RAB28: variants seen among roughly 807,000 people sequenced by gnomAD.
RAB28 encodes the protein ras-related protein Rab-28.
Under a neutral mutation model 31.7 loss-of-function variants are expected in RAB28, and 24 were observed. The observed-to-expected ratio is 0.76, with a 90% confidence interval of 0.55 to 1.06. RAB28 has a LOEUF of 1.06. Ranked by LOEUF, RAB28 falls within the 50% of genes least tolerant of loss-of-function variation. The pLI, the probability that RAB28 is intolerant of heterozygous loss-of-function variation, is 0.00. For missense variants in RAB28, 254 were observed against 258.5 expected, an observed-to-expected ratio of 0.98 and a Z score of 0.12; for synonymous variants, 100 against 90.4, an observed-to-expected ratio of 1.11 and a Z score of -0.60.
chr4:13,452,241 ATT>A (rs1296693827), intron 4 of RAB28, among the ~76,000 whole-genome samples: 1 of 151,276 alleles, frequency 6.6e-6, no homozygotes, highest in African/African-American at 2.4e-5. Context: ...TTTTGTTGAA[ATT>A]TTTGTTTGTT....
Position 13,482,132 on chromosome 4 carries a change from T to C in RAB28, c.75+1944A>G, listed in dbSNP as rs75235665. On this transcript the variant is annotated intron_variant, in intron 1 of 6. Transcript: ENST00000330852. ...AGAGCACCATAAAAAATATTAACTG[T>C]TATCCTTTGAAGCAGAATGATAATA... 1.2e-4 allele frequency among the ~76,000 whole-genome samples: 19 copies of C among 152,264 alleles called. No homozygotes were observed. The East Asian group carries it at 3.7e-3, about 29-fold the overall frequency.
Position 13,474,373 on chromosome 4 carries a change from A to G in RAB28, c.206T>C (p.Ile69Thr), listed in dbSNP as rs1401637475. The change falls in exon 3 of 7, where the codon ATA becomes ACA. Residue 69 changes from isoleucine (I) to threonine (T), a missense_variant. Ile to Thr is a moderately conservative substitution (Grantham distance 89). Transcript: ENST00000330852. ...TTTGCCTCCTATTGTCTGCCCTCCT[A>G]TATCCCAAATTTGAAGGGTAACATT... ...NLNVTLQIWD[I>T]GGQTIGGKML... 1.1e-5 allele frequency: 18 copies of G among 1,596,134 alleles called. No homozygotes were observed. The highest frequency in any genetic ancestry group is 3.4e-5 in the Admixed American group (2 of 59,044).
chr4:13,394,298 G>A (rs1346584251), intron 4 of RAB28, among the ~76,000 whole-genome samples: 1 of 152,136 alleles, frequency 6.6e-6, no homozygotes, highest in Admixed American at 6.5e-5. Flanking sequence ...TAATTTTGGG[G>A]TAAAACTGCT....
In RAB28 at chr4:13,415,611, G is replaced by A. The variant is rs944697802; in HGVS notation, c.392-34017C>T. ...CTGGCACTGCGCTCGATTTCTTGCC[G>A]GGCCTTAGCTGCCTGCAGCCCGCCA... On this transcript the variant is annotated intron_variant, in intron 4 of 6. Transcript: ENST00000330852. Among the ~76,000 whole-genome samples, 8 of 152,130 alleles carry A rather than the reference G, an allele frequency of 5.3e-5. No homozygotes were observed. In the South Asian group the frequency reaches 8.3e-4, roughly 16 times the overall value.
chr4:13,448,443 C>A (rs1714806659), intron 4 of RAB28, among the ~76,000 whole-genome samples: 2 of 151,886 alleles, frequency 1.3e-5, no homozygotes, highest in Admixed American at 1.3e-4. Flanking sequence ...ACAACTCCTC[C>A]AAAACCAATG....
intron 1 of RAB28, 31 bp from the exon 2 acceptor site, chr4:13,479,557 T>G: frequency 1.5e-6 from 2 of 1,350,518 alleles, no homozygotes; most frequent in Middle Eastern, 1.8e-4. Context: ...ATGTCAAAAT[T>G]AATTCATTAA....
intron 4 of RAB28, among the ~76,000 whole-genome samples, chr4:13,453,433 G>A (rs1028417641): frequency 6.6e-6 from 1 of 151,848 alleles, no homozygotes; most frequent in African/African-American, 2.4e-5. Context: ...TTGTGTATTG[G>A]CTCTAGCAGC....
At chr4:13,482,469 A>C (rs1481498928) in intron 1 of RAB28, among the ~76,000 whole-genome samples, 4 of 152,306 alleles carry the variant, frequency 2.6e-5, no homozygotes, top group Non-Finnish European at 5.9e-5. Context: ...ATGGGAAATA[A>C]GATCAGTTAT....
At chr4:13,449,867 C>A (rs552461582) in intron 4 of RAB28, among the ~76,000 whole-genome samples, 1 of 151,890 alleles carries the variant, frequency 6.6e-6, no homozygotes, top group African/African-American at 2.4e-5. Context: ...TTCTATGTAA[C>A]CCCTGTTAAT....
intron 3 of RAB28, among the ~76,000 whole-genome samples, chr4:13,462,342 T>C (rs149087165): frequency 2.6e-4 from 40 of 152,332 alleles, no homozygotes; most frequent in African/African-American, 9.1e-4. Context: ...TTCCACCATA[T>C]AGATACAGCA....
chr4:13,476,351 C>A (rs983234871), intron 2 of RAB28, among the ~76,000 whole-genome samples: 5 of 151,426 alleles, frequency 3.3e-5, no homozygotes, highest in African/African-American at 1.2e-4. Context: ...TCTAAATAAA[C>A]CCTGTTATCA....
chr4:13,372,482 G>C (rs902932516), intron 6 of RAB28, among the ~76,000 whole-genome samples: 3 of 151,990 alleles, frequency 2.0e-5, no homozygotes, highest in African/African-American at 7.2e-5. Flanking sequence ...GATCTCTAAA[G>C]TCCCATCTGG....
At chr4:13,458,426 T>C (rs1715417694) in intron 4 of RAB28, among the ~76,000 whole-genome samples, 1 of 152,050 alleles carries the variant, frequency 6.6e-6, no homozygotes, top group Non-Finnish European at 1.5e-5. Context: ...AAAAATGTAC[T>C]ACATTTTTAA....
intron 4 of RAB28, among the ~76,000 whole-genome samples, chr4:13,393,149 A>G (rs2108892690): frequency 6.6e-6 from 1 of 152,360 alleles, no homozygotes; most frequent in Admixed American, 6.5e-5. Context: ...AAAGATCTGT[A>G]TAAGACAATC....
intron 4 of RAB28, among the ~76,000 whole-genome samples, chr4:13,411,273 A>C (rs1712427157): frequency 6.6e-6 from 1 of 152,194 alleles, no homozygotes; most frequent in Non-Finnish European, 1.5e-5. Context: ...TCAGACAACA[A>C]AGACAGAAGA....
intron 4 of RAB28, among the ~76,000 whole-genome samples, chr4:13,402,429 G>A (rs183900695): frequency 6.6e-6 from 1 of 152,282 alleles, no homozygotes; most frequent in East Asian, 1.9e-4. Flanking sequence ...AAGTTCTGCT[G>A]CGTTTATATA....
intron 4 of RAB28, among the ~76,000 whole-genome samples, chr4:13,451,313 T>C (rs906068627): frequency 1.3e-5 from 2 of 151,900 alleles, no homozygotes; most frequent in African/African-American, 4.8e-5. Flanking sequence ...CATATACTTG[T>C]TGACCATTTC....
intron 6 of RAB28, chr4:13,371,301 G>A (rs946327604): frequency 1.0e-6 from 1 of 985,074 alleles, no homozygotes; most frequent in Non-Finnish European, 1.2e-6. Context: ...TGAATCGGGG[G>A]GTACATCAGT....
chr4:13,447,516 T>C (rs1714759582), intron 4 of RAB28, among the ~76,000 whole-genome samples: 1 of 152,320 alleles, frequency 6.6e-6, no homozygotes, highest in East Asian at 1.9e-4. Flanking sequence ...TTGATTTACT[T>C]ACACTGCAAA....
Sources: allele counts gnomAD v4.1 joint callset (sites outside exome capture counted in the v4.1 genomes callset), GRCh38; gene constraint gnomAD v4.1.1; transcripts MANE v1.5; gene names NCBI Gene and HGNC (gene_info 2026-07-23, HGNC 2026-07-21).